Variants in RTN4 observed in about 807,000 individuals in gnomAD.
The protein encoded by RTN4 is reticulon 4, also known as reticulon-4.
A neutral mutation model predicts 90.4 loss-of-function variants in RTN4; 32 were observed. The observed-to-expected ratio is 0.35, with a 90% confidence interval of 0.27 to 0.48. RTN4 has a LOEUF of 0.48. RTN4 is among the 20% of genes least tolerant of loss of function. The pLI, the probability that RTN4 is intolerant of heterozygous loss-of-function variation, is 0.99. For synonymous variants in RTN4, 629 were observed against 552.5 expected (o/e 1.14, Z -1.94); for missense variants, 1,706 against 1,430.2 (o/e 1.19, Z -3.11).
intron 3 of RTN4, among the ~76,000 whole-genome samples, chr2:55,018,740 ATGTATG>A: frequency 6.6e-6 from 1 of 151,496 alleles, no homozygotes; most frequent in Non-Finnish European, 1.5e-5. Flanking sequence ...TTTCTTAAGT[ATGTATG>A]TGTATGTGTG....
At chr2:55,014,522 AT>A (rs71410410) in intron 3 of RTN4, 164 of 145,742 alleles carry the variant, frequency 1.1e-3, no homozygotes, top group Middle Eastern at 3.6e-3. Flanking sequence ...TGAAGCAAGC[AT>A]TTTTTTTTTT....
chr2:55,092,034 G>T (rs1668947728), intron 1 of RTN4, among the ~76,000 whole-genome samples: 1 of 152,044 alleles, frequency 6.6e-6, no homozygotes. Flanking sequence ...TGGGGACACA[G>T]CCAAACCATG....
At chr2:54,993,883 C>T (rs1367122910) in intron 3 of RTN4, among the ~76,000 whole-genome samples, 2 of 152,216 alleles carry the variant, frequency 1.3e-5, no homozygotes, top group East Asian at 1.9e-4. Context: ...ACCAACCCCA[C>T]TGTGCAAAGT....
chr2:55,026,166 T>G lies in RTN4; in HGVS notation c.1933A>C (p.Asn645His). The part of the protein sequence containing the change: ...SSSPLEASSV[N>H]YESIKHEPEN... ...GGCTCATGTTTTATGCTTTCATAAT[T>G]AACTGAAGAAGCTTCTAATGGTGAT... The change falls in exon 3 of 9, where the codon AAT (asparagine) becomes CAT (histidine). Residue 645 changes from asparagine (N) to histidine (H), a missense_variant. Physicochemically the swap from Asn to His is moderately conservative, Grantham distance 68 (BLOSUM62 1). Coordinates refer to ENST00000337526, the MANE Select transcript of RTN4 (RefSeq NM_020532.5). 6.2e-7 allele frequency: 1 copy of G among 1,613,548 alleles called. No individual in the cohort carries two copies. The highest frequency in any genetic ancestry group is 1.3e-5 in the African/African-American group (1 of 75,002).
upstream of RTN4, among the ~76,000 whole-genome samples, chr2:55,116,176 G>A (rs898359811): frequency 1.5e-5 from 2 of 130,686 alleles, no homozygotes; most frequent in East Asian, 4.9e-4. Flanking sequence ...CTATCCTCCC[G>A]CCTGGCCTCC....
upstream of RTN4, among the ~76,000 whole-genome samples, chr2:55,114,559 C>T (rs1026334393): frequency 6.6e-5 from 10 of 152,068 alleles, no homozygotes; most frequent in African/African-American, 2.4e-4. Context: ...ATTAGATGAG[C>T]GTGGTGACGC....
At chr2:54,997,307 T>C (rs986688179) in intron 3 of RTN4, among the ~76,000 whole-genome samples, 12 of 152,136 alleles carry the variant, frequency 7.9e-5, no homozygotes, top group African/African-American at 2.7e-4. Flanking sequence ...CACAATGAGA[T>C]ACCACTTCAT....
At position 54,973,611 on chromosome 2, in the gene RTN4, T is replaced by C; in HGVS notation, c.3488A>G (p.Asp1163Gly). The stretch of plus-strand genomic sequence containing the variant: ...CTTATTTGCAAGTCCTAGATAATGA[T>C]CTATCTGTGCCTGAAAGAGAGGTAT... ...VIYERHQAQI[D>G]HYLGLANKNV... is the part of the protein sequence containing the mutation. The change falls in exon 8 of 9, where the codon GAT (aspartate) becomes GGT (glycine). Residue 1163 changes from aspartate (D) to glycine (G), a missense_variant. Coordinates refer to ENST00000337526, the MANE Select transcript of RTN4 (RefSeq NM_020532.5). 15 of 1,610,090 alleles carry C rather than the reference T, an allele frequency of 9.3e-6. No individual in the cohort carries two copies. Among genetic ancestry groups the C allele is most frequent in the Non-Finnish European group, 1.3e-5 (15 of 1,176,432 alleles).
At chr2:55,136,828 C>G in the RTN4 span, among the ~76,000 whole-genome samples, 9 of 152,174 alleles carry the variant, frequency 5.9e-5, no homozygotes. Flanking sequence ...TGTCCACTTC[C>G]CTGAGTCAGG....
intron 1 of RTN4, among the ~76,000 whole-genome samples, chr2:55,042,518 TA>T (rs1683144768): frequency 6.6e-6 from 1 of 152,196 alleles, no homozygotes; most frequent in Non-Finnish European, 1.5e-5. Context: ...AGATTATCTC[TA>T]AACAGATACT....
At chr2:55,096,186 C>A (rs1212888434) in intron 1 of RTN4, among the ~76,000 whole-genome samples, 1 of 152,060 alleles carries the variant, frequency 6.6e-6, no homozygotes, top group Non-Finnish European at 1.5e-5. Context: ...ATTAGCTGGG[C>A]GTGGTGGCGC....
At chr2:54,992,302 C>G (rs543892958) in intron 3 of RTN4, among the ~76,000 whole-genome samples, 17 of 152,266 alleles carry the variant, frequency 1.1e-4, no homozygotes, top group African/African-American at 3.9e-4. Flanking sequence ...CTCATATTCT[C>G]CATTGTATGA....
Position 55,027,375 on chromosome 2 carries a change from A to G in RTN4, c.724T>C (p.Ser242Pro), listed in dbSNP as rs1681982724. 1.9e-6 allele frequency: 3 copies of G among 1,613,690 alleles called. No individual in the cohort carries two copies. The highest frequency in any genetic ancestry group is 2.5e-6 in the Non-Finnish European group (3 of 1,179,770). ...TCATGTTCTTTGAAAGAAGCGGCTG[A>G]GAGAGGAGACAGAGAAGGAAGAGAA... ...AASLPSLSPL[S>P]AASFKEHEYL... Residue 242 changes from serine to proline, a missense_variant, in exon 3 of 9, where the codon TCA (serine) becomes CCA (proline). By Grantham distance (74) the Ser-to-Pro change is moderately conservative. Coordinates refer to ENST00000337526, the MANE Select transcript of RTN4 (RefSeq NM_020532.5).
At chr2:55,129,865 C>A in the RTN4 span, among the ~76,000 whole-genome samples, 1 of 151,896 alleles carries the variant, frequency 6.6e-6, no homozygotes, top group African/African-American at 2.4e-5. Context: ...CCGGTCAACT[C>A]GTCTTTTAAA....
At chr2:55,073,331 T>C (rs1258462131) in intron 2 of RTN4, among the ~76,000 whole-genome samples, 2 of 152,196 alleles carry the variant, frequency 1.3e-5, no homozygotes, top group Non-Finnish European at 1.5e-5. Context: ...CTCATTATAT[T>C]TTATTATTTG....
chr2:54,986,955 C>G (rs1464104748), intron 4 of RTN4, among the ~76,000 whole-genome samples: 2 of 151,972 alleles, frequency 1.3e-5, no homozygotes, highest in African/African-American at 4.8e-5. Context: ...CTATAGTATA[C>G]TTGTGAAAAC....
Position 55,086,641 on chromosome 2 carries a change from G to C in RTN4, c.-213-6002C>G, listed in dbSNP as rs1436766170. Among the ~76,000 whole-genome samples, 3 of 151,956 alleles carry C rather than the reference G, an allele frequency of 2.0e-5. No individual in the cohort carries two copies. The East Asian group carries it at 5.8e-4, about 29-fold the overall frequency. ...GCTGTGATCACACTACTGCACTTCA[G>C]CCTGGGCAACAGAGGGAGACACTGT... On this transcript the variant is annotated intron_variant, in intron 1 of 3. Transcript: ENST00000427710.
chr2:55,108,325 C>T (rs1558883240), intron 1 of RTN4, among the ~76,000 whole-genome samples: 1 of 151,876 alleles, frequency 6.6e-6, no homozygotes, highest in African/African-American at 2.4e-5. Flanking sequence ...TAAAAATTGC[C>T]CATTTCAGTA....
intron 1 of RTN4, among the ~76,000 whole-genome samples, chr2:55,034,132 T>C (rs922019299): frequency 6.6e-6 from 1 of 152,208 alleles, no homozygotes; most frequent in African/African-American, 2.4e-5. Flanking sequence ...TATTTGCTAA[T>C]TCCCTGTTTT....
Sources: gnomAD v4.1 joint callset for allele counts (sites outside exome capture counted in the v4.1 genomes callset) on GRCh38, gnomAD v4.1.1 for gene constraint, MANE v1.5 for transcripts, NCBI Gene and HGNC (gene_info 2026-07-23, HGNC 2026-07-21) for gene names.